The following SPAG16 variants were observed in gnomAD, a reference collection of about 807,000 sequenced individuals.
SPAG16 encodes the protein sperm-associated antigen 16 protein.
A neutral mutation model predicts 80.4 loss-of-function variants in SPAG16; 86 were observed. The ratio of observed to expected loss-of-function variants is 1.07; its 90% CI spans 0.90 to 1.28. The LOEUF (loss-of-function observed/expected upper bound fraction) is 1.28. Ranked by LOEUF, SPAG16 falls within the 50% of genes most tolerant of loss-of-function variation. The probability of loss-of-function intolerance (pLI) is 0.00; values close to 1 mark genes in which losing one functional copy is unlikely to be tolerated. For missense variants in SPAG16, 870 were observed against 765.3 expected, an observed-to-expected ratio of 1.14 and a Z score of -1.61; for synonymous variants, 294 against 265.9, an observed-to-expected ratio of 1.11 and a Z score of -1.03.
chr2:214,337,380 A>G (rs926060546), intron 15 of SPAG16, among the ~76,000 whole-genome samples: 3 of 152,136 alleles, frequency 2.0e-5, no homozygotes, highest in African/African-American at 7.2e-5. Context: ...GACTCAAAAA[A>G]TTGACTTTGA....
chr2:213,452,904 C>T (rs2125582570), intron 9 of SPAG16, among the ~76,000 whole-genome samples: 1 of 152,300 alleles, frequency 6.6e-6, no homozygotes, highest in East Asian at 1.9e-4. Flanking sequence ...TATTAATTAA[C>T]AAACATGAAA....
chr2:213,842,048 G>A (rs1225993294), intron 10 of SPAG16, among the ~76,000 whole-genome samples: 2 of 152,078 alleles, frequency 1.3e-5, no homozygotes, highest in Admixed American at 6.6e-5. Context: ...TGTGCATCAT[G>A]TAAACCTTGT....
At chr2:214,059,209 T>TAG (rs2050114017) in intron 13 of SPAG16, among the ~76,000 whole-genome samples, 1 of 107,908 alleles carries the variant, frequency 9.3e-6, no homozygotes, top group Non-Finnish European at 1.9e-5. Flanking sequence ...TATATATATA[T>TAG]ATATATGTAT....
At chr2:213,986,027 G>C (rs1217406555) in intron 12 of SPAG16, among the ~76,000 whole-genome samples, 1 of 152,022 alleles carries the variant, frequency 6.6e-6, no homozygotes, top group Admixed American at 6.6e-5. Context: ...ATATGCACTC[G>C]ATATGTAAAT....
At chr2:214,139,728 G>T (rs2055251843) in intron 14 of SPAG16, among the ~76,000 whole-genome samples, 1 of 151,974 alleles carries the variant, frequency 6.6e-6, no homozygotes, top group African/African-American at 2.4e-5. Context: ...CCTGGGTAAA[G>T]TCAAGCCTAC....
At chr2:214,061,080 T>G (rs1419091569) in intron 13 of SPAG16, among the ~76,000 whole-genome samples, 5 of 152,162 alleles carry the variant, frequency 3.3e-5, no homozygotes, top group Admixed American at 3.3e-4. Context: ...CTCAAGTTTG[T>G]GAGACAGAGT....
At chr2:214,084,037 C>T (rs1163043230) in intron 13 of SPAG16, among the ~76,000 whole-genome samples, 3 of 152,036 alleles carry the variant, frequency 2.0e-5, no homozygotes, top group African/African-American at 7.2e-5. Context: ...TCAGCTCATA[C>T]AGTTTTGAGA....
At chr2:213,713,327 A>C (rs2066089281) in intron 10 of SPAG16, among the ~76,000 whole-genome samples, 1 of 152,170 alleles carries the variant, frequency 6.6e-6, no homozygotes, top group Non-Finnish European at 1.5e-5. Flanking sequence ...GTTGCCACAC[A>C]AGAGAGAGAA....
intron 10 of SPAG16, among the ~76,000 whole-genome samples, chr2:213,830,420 G>T (rs1217622165): frequency 6.6e-6 from 1 of 152,110 alleles, no homozygotes; most frequent in African/African-American, 2.4e-5. Flanking sequence ...GGTCTTTAGT[G>T]CCTCTTTCAG....
intron 15 of SPAG16, among the ~76,000 whole-genome samples, chr2:214,320,539 T>C (rs1023594976): frequency 2.6e-5 from 4 of 152,222 alleles, no homozygotes; most frequent in Non-Finnish European, 5.9e-5. Flanking sequence ...AGAGGTTTAA[T>C]TGACTCTCAG....
At chr2:213,772,861 G>A (rs1193759237) in intron 10 of SPAG16, among the ~76,000 whole-genome samples, 1 of 151,738 alleles carries the variant, frequency 6.6e-6, no homozygotes, top group East Asian at 1.9e-4. Flanking sequence ...GGTATTTGAG[G>A]TATTCTCCTA....
chr2:213,528,165 A>G (rs936030372), intron 10 of SPAG16, among the ~76,000 whole-genome samples: 2 of 152,182 alleles, frequency 1.3e-5, no homozygotes, highest in African/African-American at 4.8e-5. Context: ...AACCTCTTCC[A>G]TGGCCAAAGG....
At chr2:214,155,604 C>T (rs2056178631) in intron 15 of SPAG16, among the ~76,000 whole-genome samples, 2 of 152,006 alleles carry the variant, frequency 1.3e-5, no homozygotes, top group Admixed American at 1.3e-4. Context: ...TCCTGAGAAG[C>T]TAGGAAGACA....
At chr2:213,767,828 C>G (rs966169038) in intron 10 of SPAG16, among the ~76,000 whole-genome samples, 1 of 152,096 alleles carries the variant, frequency 6.6e-6, no homozygotes, top group East Asian at 1.9e-4. Context: ...AACAAATGAG[C>G]CTGCCACTGA....
intron 10 of SPAG16, among the ~76,000 whole-genome samples, chr2:213,614,275 T>G (rs1012311840): frequency 1.3e-5 from 2 of 152,210 alleles, no homozygotes; most frequent in African/African-American, 4.8e-5. Flanking sequence ...CAACAACTGA[T>G]TTTTGTAACA....
intron 15 of SPAG16, among the ~76,000 whole-genome samples, chr2:214,398,945 T>G (rs1295765498): frequency 6.6e-6 from 1 of 152,240 alleles, no homozygotes; most frequent in Non-Finnish European, 1.5e-5. Flanking sequence ...CCTTTGCATT[T>G]GATTGTAAGG....
intron 15 of SPAG16, among the ~76,000 whole-genome samples, chr2:214,222,794 A>G (rs1263754454): frequency 1.3e-5 from 2 of 152,186 alleles, no homozygotes; most frequent in Non-Finnish European, 2.9e-5. Flanking sequence ...TTTAAAATTG[A>G]CTGGGAGCTT....
intron 13 of SPAG16, among the ~76,000 whole-genome samples, chr2:214,056,606 T>C (rs1301995275): frequency 6.6e-6 from 1 of 152,136 alleles, no homozygotes; most frequent in Non-Finnish European, 1.5e-5. Flanking sequence ...CTTGCCTTGA[T>C]GTTGATGACT....
chr2:213,455,869 T>G (rs1036284896), intron 9 of SPAG16, among the ~76,000 whole-genome samples: 1 of 152,136 alleles, frequency 6.6e-6, no homozygotes, highest in Non-Finnish European at 1.5e-5. Flanking sequence ...TGACTCAAGA[T>G]AGTCACCAGA....
Sources: gnomAD v4.1 joint callset for allele counts (sites outside exome capture counted in the v4.1 genomes callset) on GRCh38, gnomAD v4.1.1 for gene constraint, MANE v1.5 for transcripts, NCBI Gene and HGNC (gene_info 2026-07-23, HGNC 2026-07-21) for gene names.